The following CUL7 variants were observed in gnomAD, a reference collection of about 807,000 sequenced individuals.
CUL7 encodes cullin-7.
In CUL7, 96 loss-of-function variants were observed where a neutral mutation model predicts 177.7. The ratio of observed to expected loss-of-function variants is 0.54; its 90% CI spans 0.46 to 0.64. The LOEUF is 0.64. Ranked by LOEUF, CUL7 falls within the 30% of genes least tolerant of loss-of-function variation. The pLI is 0.00. For synonymous variants in CUL7, 824 were observed against 890.2 expected (o/e 0.93, Z 1.32); for missense variants, 1,893 against 2,187.9 (o/e 0.87, Z 2.69).
intron 7 of CUL7, 124 bp from the exon 8 acceptor site, chr6:43,048,693 C>T: frequency 2.8e-6 from 2 of 715,004 alleles, no homozygotes; most frequent in South Asian, 3.8e-5. Context: ...TTTTTTAATC[C>T]CCCTAAAAGT....
chr6:43,048,124 C>T (rs1017163625), intron 9 of CUL7, 24 bp downstream of exon 9: 8 of 1,514,556 alleles, frequency 5.3e-6, no homozygotes, highest in Non-Finnish European at 7.3e-6. Flanking sequence ...CCCCCAGCCT[C>T]TCCCCAGAGC....
At chr6:43,047,702 C>T (rs1327615226) in intron 9 of CUL7, among the ~76,000 whole-genome samples, 1 of 152,218 alleles carries the variant, frequency 6.6e-6, no homozygotes, top group Non-Finnish European at 1.5e-5. Flanking sequence ...CTTCATCCCC[C>T]TTTCTCCCAC....
In CUL7 at chr6:43,045,883, C is replaced by G; in HGVS notation, c.2766+103G>C. 2 of 1,124,910 alleles carry G rather than the reference C, an allele frequency of 1.8e-6. No homozygotes were observed. Among genetic ancestry groups the G allele is most frequent in the Non-Finnish European group, 2.7e-6 (2 of 754,096 alleles). 69.7% of individuals were successfully genotyped at this position (1,124,910 alleles called of 1,614,324 possible). A position where few individuals can be genotyped will look rare whatever the true frequency, so the allele number is the denominator to read the frequency against. ...AAAGGACACTACTTTCTGTGGGGCT[C>G]AAGACAGGTGGGAGTTAGAAAAAAG... On this transcript the variant is annotated intron_variant, in intron 13 of 25. Coordinates refer to ENST00000265348, the MANE Select transcript of CUL7 (RefSeq NM_014780.5). The surrounding 1 kb of genome is among the most constrained non-coding windows in gnomAD (Gnocchi z 4.8).
chr6:43,044,955 C>G, intron 15 of CUL7, 70 bp from the exon 16 acceptor site: 1 of 1,587,162 alleles, frequency 6.3e-7, no homozygotes, highest in East Asian at 2.2e-5. Flanking sequence ...TCCACCCTTC[C>G]TAAGACTGCC....
Position 43,050,605 on chromosome 6 carries a change from C to CACAG in CUL7, c.1234-208_1234-207insCTGT, listed in dbSNP as rs1561893530. Among the ~76,000 whole-genome samples, 1 of 133,744 alleles carries CACAG rather than the reference C, an allele frequency of 7.5e-6. No individual in the cohort carries two copies. Among genetic ancestry groups the CACAG allele is most frequent in the Non-Finnish European group, 1.6e-5 (1 of 62,664 alleles). The allele number at this position is 133,744 out of a possible 152,430, so 87.7% of individuals were successfully genotyped here. ...ACACACACACACACACACACACACA[C>CACAG]AGGATGCCTTCTCCTTTGGGGGATG... On this transcript the variant is annotated intron_variant, in intron 4 of 25. Transcript: ENST00000265348. The surrounding 1 kb of genome is among the most constrained non-coding windows in gnomAD (Gnocchi z 4.1).
At position 43,043,129 on chromosome 6, in the gene CUL7, G is replaced by A; in HGVS notation, c.3407C>T (p.Pro1136Leu). The A allele has an allele frequency of 6.2e-7, 1 of 1,614,076 alleles. No individual in the cohort carries two copies. Among genetic ancestry groups the A allele is most frequent in the South Asian group, 1.1e-5 (1 of 91,084 alleles). Residue 1136 changes from proline to leucine, a missense_variant, in exon 18 of 26, where the codon CCA becomes CTA. By Grantham distance (98) the Pro-to-Leu change is moderately conservative. This residue lies in a region of CUL7 where 973 missense variants were observed against 1,140.9 expected (regional missense o/e 0.85). Coordinates refer to ENST00000265348, the MANE Select transcript of CUL7 (RefSeq NM_014780.5). This position sits in a 1 kb window ranked among gnomAD's most constrained non-coding sequence, Gnocchi z 4.2. ...CGTCAGGTTTCTCATGATGCTGCTT[G>A]GAAGGCCCCGGGTAGCCAAGGAGCT... Reference protein sequence around the residue: ...DWSSLATRGLPSSIMRNLTRC... With the variant: ...DWSSLATRGLLSSIMRNLTRC...
In CUL7 at chr6:43,037,619, TA is replaced by T; in HGVS notation, c.*68del. On this transcript the variant is annotated 3_prime_UTR_variant, in exon 26 of 26. Coordinates refer to ENST00000265348, the MANE Select transcript of CUL7 (RefSeq NM_014780.5). ...GCAGTCGCCAAACACACACGTCATA[TA>T]ATCAAACTCTTGGGTTTTATTTCTG... is the stretch of plus-strand genomic sequence containing the variant. The T allele has an allele frequency of 7.1e-7, 1 of 1,399,498 alleles. No homozygotes were observed. Among genetic ancestry groups the T allele is most frequent in the South Asian group, 1.2e-5 (1 of 80,702 alleles). 86.7% of individuals were successfully genotyped at this position (1,399,498 alleles called of 1,614,324 possible). A position where few individuals can be genotyped will look rare whatever the true frequency, so the allele number is the denominator to read the frequency against.
In CUL7 at chr6:43,050,950, C is replaced by T; in HGVS notation, c.1233+18G>A. On this transcript the variant is annotated intron_variant, in intron 4 of 25. Transcript: ENST00000265348. The surrounding 1 kb of genome is among the most constrained non-coding windows in gnomAD (Gnocchi z 4.1). ...CAAATAGACCCCCAACAGTATCCCA[C>T]CACCATGTGCCACTCACCTGCACAG... 6.2e-7 allele frequency: 1 copy of T among 1,613,620 alleles called. No homozygotes were observed. The highest frequency in any genetic ancestry group is 8.5e-7 in the Non-Finnish European group (1 of 1,179,964).
In CUL7 at chr6:43,038,935, C is replaced by A. The variant is rs757974664; in HGVS notation, c.4347G>T (p.Thr1449=). ...ACTGCAGCTCAGCCCAGCCCAGCCACGTCCACTGCAGTCGCCTCTGTGAGC... is the reference window on the plus strand; with the variant it reads ...ACTGCAGCTCAGCCCAGCCCAGCCAAGTCCACTGCAGTCGCCTCTGTGAGC... ...ERGSQRRLQW[T]WLGWAELQFG... The change falls in exon 23 of 26, where the codon ACG becomes ACT. Residue 1449 remains threonine (T), a synonymous_variant. Transcript: ENST00000265348. The A allele has an allele frequency of 1.5e-5, 25 of 1,613,388 alleles. No individual in the cohort carries two copies. In the African/African-American group the frequency reaches 3.1e-4, roughly 20 times the overall value.
Position 43,043,462 on chromosome 6 carries a change from G to A in CUL7, c.3341C>T (p.Ala1114Val). 1.2e-6 allele frequency: 2 copies of A among 1,613,942 alleles called. No homozygotes were observed. The change falls in exon 17 of 26, where the codon GCC (alanine) becomes GTC (valine). Residue 1114 changes from alanine (A) to valine (V), a missense_variant. Physicochemically the swap from Ala to Val is moderately conservative, Grantham distance 64. Around this residue, in one of 5 missense-constraint regions of CUL7, gnomAD observed 973 missense variants for 1,140.9 expected, o/e 0.85. Coordinates refer to ENST00000265348, the MANE Select transcript of CUL7 (RefSeq NM_014780.5). The surrounding 1 kb of genome is among the most constrained non-coding windows in gnomAD (Gnocchi z 4.2). ...CCACTACTCACTGGGCCGAGGAGTG[G>A]CCACCACAGGAGGGGGTGCCTCACA... ...EPCEAPPPVV[A>V]TPRPKGRNRS...
chr6:43,047,620 G>C (rs1764027732), intron 9 of CUL7, among the ~76,000 whole-genome samples: 1 of 152,150 alleles, frequency 6.6e-6, no homozygotes. Context: ...GAGCCCTTCT[G>C]AAGCCTTCTG....
chr6:43,048,199 C>T lies in CUL7; in HGVS notation c.2118G>A (p.Glu706=). ...GGCAGGCCATGCAGGCATCCACGGC[C>T]TCGTGCCAGGGGAGCAGCAGTGCCT... The part of the protein sequence containing the change: ...FPEALLLPWH[E]AVDACMACLR... Residue 706 remains glutamate (E), a synonymous_variant, in exon 9 of 26, where the codon GAG becomes GAA. Coordinates refer to ENST00000265348, the MANE Select transcript of CUL7 (RefSeq NM_014780.5). The T allele has an allele frequency of 6.2e-7, 1 of 1,614,114 alleles. No homozygotes were observed.
chr6:43,044,721 T>G, intron 16 of CUL7, 31 bp downstream of exon 16: 1 of 1,593,144 alleles, frequency 6.3e-7, no homozygotes, highest in Non-Finnish European at 8.6e-7. Flanking sequence ...AGCCCTGAGA[T>G]AGTAATGGGT....
chr6:43,051,254 G>T lies in CUL7; in HGVS notation c.947C>A (p.Ala316Asp), dbSNP rs2150335347. The change falls in exon 4 of 26, where the codon GCC becomes GAC. Residue 316 changes from alanine to aspartate, a missense_variant. Ala to Asp is a moderately radical substitution (Grantham distance 126). Around this residue, in one of 5 missense-constraint regions of CUL7, gnomAD observed 653 missense variants for 725.2 expected, o/e 0.90. Coordinates refer to ENST00000265348, the MANE Select transcript of CUL7 (RefSeq NM_014780.5). The surrounding 1 kb of genome is among the most constrained non-coding windows in gnomAD (Gnocchi z 5.0). ...ELVQAMRWDQ[A>D]SDRPRSSARS... ...TGCTGAGCTCCTTGGTCTGTCTGAGGCCTGGTCCCAGCGCATGGCTTGCAC... is the reference window on the plus strand; with the variant it reads ...TGCTGAGCTCCTTGGTCTGTCTGAGTCCTGGTCCCAGCGCATGGCTTGCAC... The T allele has an allele frequency of 6.2e-7, 1 of 1,613,380 alleles. No homozygotes were observed. The highest frequency in any genetic ancestry group is 1.3e-5 in the African/African-American group (1 of 74,954).
intron 6 of CUL7, 83 bp from the exon 7 acceptor site, chr6:43,049,745 C>T: frequency 1.9e-6 from 3 of 1,555,006 alleles, no homozygotes; most frequent in South Asian, 2.3e-5. Flanking sequence ...GTGGGGGTCT[C>T]TCTGCACACA....
Position 43,038,301 on chromosome 6 carries a change from T to C in CUL7, c.4739A>G (p.Asp1580Gly), listed in dbSNP as rs1421018330. Residue 1580 changes from aspartate to glycine, a missense_variant, in exon 25 of 26, where the codon GAT (aspartate) becomes GGT (glycine). Coordinates refer to ENST00000265348, the MANE Select transcript of CUL7 (RefSeq NM_014780.5). ...LIVRILKAHGDEGLHIDQLVC... is the reference protein window; with the variant it reads ...LIVRILKAHGGEGLHIDQLVC... ...AAGCTGGTCAATGTGCAGCCCCTCATCTCCATGGGCCTTGAGGATTCGGAC... is the reference window on the plus strand; with the variant it reads ...AAGCTGGTCAATGTGCAGCCCCTCACCTCCATGGGCCTTGAGGATTCGGAC... 1.9e-6 allele frequency: 3 copies of C among 1,614,050 alleles called. No homozygotes were observed. Among genetic ancestry groups the C allele is most frequent in the South Asian group, 2.2e-5 (2 of 91,076 alleles).
In CUL7 at chr6:43,045,282, C is replaced by T. The variant is rs1763793631; in HGVS notation, c.2983G>A (p.Ala995Thr). 8 of 1,614,106 alleles carry T rather than the reference C, an allele frequency of 5.0e-6. No homozygotes were observed. The highest frequency in any genetic ancestry group is 6.8e-6 in the Non-Finnish European group (8 of 1,180,052). ...TCCTCTGCCATGTCCTGGCTCCAGG[C>T]CTGTGCCCGAACCATGTAGAAGAGG... ...TRLFYMVRAQ[A>T]WSQDMAEDRR... Residue 995 changes from alanine to threonine, a missense_variant, in exon 15 of 26, where the codon GCC (alanine) becomes ACC (threonine). Ala to Thr is a moderately conservative substitution (Grantham distance 58). Transcript: ENST00000265348. The surrounding 1 kb of genome is among the most constrained non-coding windows in gnomAD (Gnocchi z 4.8).
rs765564653 is a variant in CUL7 at position 43,040,740 on chromosome 6, G to T, written c.3813C>A (p.Tyr1271Ter). Residue 1271 changes from tyrosine to a stop codon, truncating the protein, a stop_gained, in exon 21 of 26, where the codon TAC (tyrosine) becomes TAA (stop). Coordinates refer to ENST00000265348, the MANE Select transcript of CUL7 (RefSeq NM_014780.5). LOFTEE classifies it high-confidence loss of function. The surrounding 1 kb of genome is among the most constrained non-coding windows in gnomAD (Gnocchi z 4.2). Reference protein sequence around the residue: ...ATTFEHYYQHYMADRLLGVVS... With the variant: ...ATTFEHYYQH ...CCACGCCCAGGAGACGGTCCGCCAT[G>T]TAGTGCCTGCAGTGCATGCAGCCCG... 6.2e-7 allele frequency: 1 copy of T among 1,614,138 alleles called. No homozygotes were observed. Among genetic ancestry groups the T allele is most frequent in the Non-Finnish European group, 8.5e-7 (1 of 1,180,016 alleles).
At position 43,050,947 on chromosome 6, in the gene CUL7, C is replaced by G. The variant is rs1308204733; in HGVS notation, c.1233+21G>C. The G allele has an allele frequency of 1.9e-6, 3 of 1,613,248 alleles. No individual in the cohort carries two copies. The highest frequency in any genetic ancestry group is 2.7e-5 in the African/African-American group (2 of 74,874). On this transcript the variant is annotated intron_variant, in intron 4 of 25. Transcript: ENST00000265348. The surrounding 1 kb of genome is among the most constrained non-coding windows in gnomAD (Gnocchi z 4.1). ...CCCCAAATAGACCCCCAACAGTATCCCACCACCATGTGCCACTCACCTGCA... is the reference window on the plus strand; with the variant it reads ...CCCCAAATAGACCCCCAACAGTATCGCACCACCATGTGCCACTCACCTGCA...
Sources: gnomAD v4.1 joint callset for allele counts (sites outside exome capture counted in the v4.1 genomes callset) on GRCh38, gnomAD v4.1.1 for gene constraint, gnomAD v4.1.1 regional missense constraint, Gnocchi (gnomAD v3.1) non-coding constraint, MANE v1.5 for transcripts, NCBI Gene and HGNC (gene_info 2026-07-23, HGNC 2026-07-21) for gene names.